Variants in IQCM observed in about 807,000 individuals in gnomAD.
IQCM encodes IQ domain-containing protein M.
Under a neutral mutation model 57.6 loss-of-function variants are expected in IQCM, and 45 were observed. The observed-to-expected ratio is 0.78, with a 90% CI of 0.62 to 1.00. IQCM has a LOEUF of 1.00. Ranked by LOEUF, IQCM falls within the 50% of genes least tolerant of loss-of-function variation. The pLI is 0.00. For missense variants in IQCM, 468 were observed against 511.6 expected (o/e 0.91, Z 0.82); for synonymous variants, 148 against 158.9 (o/e 0.93, Z 0.51).
intron 9 of IQCM, among the ~76,000 whole-genome samples, chr4:149,574,580 A>G (rs891235276): frequency 6.6e-6 from 1 of 151,968 alleles, no homozygotes; most frequent in Admixed American, 6.6e-5. Context: ...GCAAGATTAC[A>G]TGTGAGAAAA....
chr4:149,384,692 T>G (rs1324955616), intron 13 of IQCM, among the ~76,000 whole-genome samples: 1 of 152,058 alleles, frequency 6.6e-6, no homozygotes, highest in East Asian at 1.9e-4. Flanking sequence ...CCTCTCTAAC[T>G]ACACATGTAA....
At chr4:149,491,094 C>T (rs1421395500) in intron 12 of IQCM, among the ~76,000 whole-genome samples, 14 of 152,008 alleles carry the variant, frequency 9.2e-5, no homozygotes, top group Non-Finnish European at 2.1e-4. Flanking sequence ...AATTCCTAGG[C>T]CTAAATTACC....
At chr4:149,798,253 C>T (rs894017091) in intron 2 of IQCM, among the ~76,000 whole-genome samples, 6 of 151,804 alleles carry the variant, frequency 4.0e-5, no homozygotes, top group Non-Finnish European at 8.8e-5. Context: ...TTTTTGCAAA[C>T]AGTGTTAGGT....
At chr4:149,354,549 C>G (rs1264469977) in intron 13 of IQCM, among the ~76,000 whole-genome samples, 1 of 151,682 alleles carries the variant, frequency 6.6e-6, no homozygotes, top group African/African-American at 2.4e-5. Flanking sequence ...AATGAGATCT[C>G]AGGATTAAGT....
intron 13 of IQCM, among the ~76,000 whole-genome samples, chr4:149,365,303 A>G (rs1729754954): frequency 6.6e-6 from 1 of 152,160 alleles, no homozygotes; most frequent in Non-Finnish European, 1.5e-5. Context: ...CTAAATCTGG[A>G]AAAAATTGAG....
chr4:149,361,552 A>G (rs1729486955), intron 13 of IQCM, among the ~76,000 whole-genome samples: 2 of 152,202 alleles, frequency 1.3e-5, no homozygotes, highest in Non-Finnish European at 2.9e-5. Flanking sequence ...GCTGTGGCTG[A>G]AAGGGGCCAA....
chr4:149,637,311 G>C (rs569320497), intron 7 of IQCM, among the ~76,000 whole-genome samples: 1 of 152,128 alleles, frequency 6.6e-6, no homozygotes, highest in African/African-American at 2.4e-5. Context: ...TGAGTATTAA[G>C]GGTAAATTTA....
At chr4:149,465,454 C>A (rs1365647872) in intron 12 of IQCM, among the ~76,000 whole-genome samples, 1 of 152,088 alleles carries the variant, frequency 6.6e-6, no homozygotes, top group Non-Finnish European at 1.5e-5. Flanking sequence ...TGATTAACTG[C>A]ATTCTAAGTA....
At chr4:149,737,726 G>T (rs1467789953) in intron 3 of IQCM, 1 of 152,130 alleles carries the variant, frequency 6.6e-6, no homozygotes, top group African/African-American at 2.4e-5. Context: ...AATTAAAACT[G>T]TTTCATCAAA....
chr4:149,637,589 A>G (rs1198468204), intron 7 of IQCM, among the ~76,000 whole-genome samples: 1 of 152,232 alleles, frequency 6.6e-6, no homozygotes, highest in African/African-American at 2.4e-5. Flanking sequence ...TCTTAAAAAG[A>G]AACAAAACTG....
intron 12 of IQCM, among the ~76,000 whole-genome samples, chr4:149,437,892 G>C (rs748898913): frequency 2.6e-5 from 4 of 152,040 alleles, no homozygotes; most frequent in African/African-American, 4.8e-5. Context: ...TTGAACCCTG[G>C]AGATTCCTAA....
At chr4:149,736,824 A>G (rs1766985993) in intron 3 of IQCM, among the ~76,000 whole-genome samples, 1 of 152,192 alleles carries the variant, frequency 6.6e-6, no homozygotes, top group South Asian at 2.1e-4. Flanking sequence ...CAACCCAGCA[A>G]TTCCAATCCT....
chr4:149,355,926 G>T (rs1728941745), intron 13 of IQCM, among the ~76,000 whole-genome samples: 1 of 152,018 alleles, frequency 6.6e-6, no homozygotes, highest in East Asian at 1.9e-4. Context: ...ACTTTTTAAT[G>T]ATCGCCATTC....
At chr4:149,735,304 A>T in intron 4 of IQCM, 72 bp downstream of exon 4, 1 of 679,916 alleles carries the variant, frequency 1.5e-6, no homozygotes, top group Non-Finnish European at 2.1e-6. Flanking sequence ...GGGTTTATGC[A>T]ATCCTTTGGG....
intron 7 of IQCM, among the ~76,000 whole-genome samples, chr4:149,622,519 T>C (rs1456731672): frequency 6.6e-6 from 1 of 151,910 alleles, no homozygotes; most frequent in Non-Finnish European, 1.5e-5. Flanking sequence ...ATTTTTTGTA[T>C]TTTTTAGTAG....
intron 2 of IQCM, among the ~76,000 whole-genome samples, chr4:149,764,211 G>A (rs939541764): frequency 2.0e-5 from 3 of 152,082 alleles, no homozygotes; most frequent in African/African-American, 7.2e-5. Context: ...CCAAGCACTG[G>A]GAGAGAATCT....
intron 12 of IQCM, among the ~76,000 whole-genome samples, chr4:149,442,064 G>T (rs895856452): frequency 1.3e-5 from 2 of 152,074 alleles, no homozygotes; most frequent in African/African-American, 2.4e-5. Flanking sequence ...TACTCAGTCA[G>T]GTATTCTGTT....
intron 7 of IQCM, among the ~76,000 whole-genome samples, chr4:149,648,567 A>G (rs1758859292): frequency 6.6e-6 from 1 of 152,198 alleles, no homozygotes; most frequent in African/African-American, 2.4e-5. Flanking sequence ...CAGTAATGGG[A>G]TGGCTGGGTC....
At chr4:149,583,644 A>T (rs537923481) in intron 9 of IQCM, among the ~76,000 whole-genome samples, 4 of 151,668 alleles carry the variant, frequency 2.6e-5, no homozygotes, top group African/African-American at 9.7e-5. Flanking sequence ...GAAAACGTAG[A>T]CTTTTGCAAT....
Sources: gnomAD v4.1 joint callset for allele counts (sites outside exome capture counted in the v4.1 genomes callset) on GRCh38, gnomAD v4.1.1 for gene constraint, MANE v1.5 for transcripts, NCBI Gene and HGNC (gene_info 2026-07-23, HGNC 2026-07-21) for gene names.